The following GABRR2 variants were observed in gnomAD, a reference collection of about 807,000 sequenced individuals.
The protein encoded by GABRR2 is gamma-aminobutyric acid receptor subunit rho-2.
Under a neutral mutation model 47.0 loss-of-function variants are expected in GABRR2, and 36 were observed. The observed-to-expected ratio is 0.77, with a 90% confidence interval of 0.59 to 1.01. The LOEUF is 1.01. GABRR2 is among the 50% of genes least tolerant of loss of function. The pLI is 0.00. For missense variants in GABRR2, 587 were observed against 594.6 expected, an observed-to-expected ratio of 0.99 and a Z score of 0.13; for synonymous variants, 204 against 227.5, an observed-to-expected ratio of 0.90 and a Z score of 0.93.
In GABRR2 at chr6:89,268,099, A is replaced by G; in HGVS notation, c.513-3T>C. 1 of 1,604,682 alleles carries G rather than the reference A, an allele frequency of 6.2e-7. No homozygotes were observed. ...TGCACATGGCAGTGACCGTAATCCT[A>G]GACAACCCAGAGTCACATATTGGCT... On this transcript the variant is annotated splice_polypyrimidine_tract_variant and splice_region_variant and intron_variant, in intron 4 of 8. Coordinates refer to ENST00000402938, the MANE Select transcript of GABRR2 (RefSeq NM_002043.5).
rs767515415 is a variant in GABRR2 at position 89,299,811 on chromosome 6, C to T, written c.168G>A (p.Gln56=). ...DVTKIRKGKP[Q]QLLRVDEHDF... ...CGTGCTCGTCCACTCTGAGAAGCTG[C>T]TGAGGCTTTCCCTTCCGGATCTTGG... Residue 56 remains glutamine, a synonymous_variant, in exon 2 of 9, where the codon CAG becomes CAA. Coordinates refer to ENST00000402938, the MANE Select transcript of GABRR2 (RefSeq NM_002043.5). 1.1e-5 allele frequency: 18 copies of T among 1,614,006 alleles called. No homozygotes were observed. The South Asian group carries it at 1.9e-4, about 17-fold the overall frequency.
intron 2 of GABRR2, among the ~76,000 whole-genome samples, chr6:89,292,804 C>CATATA (rs372012468): frequency 0.057 from 936 of 16,282 alleles, 141 homozygotes; most frequent in African/African-American, 0.22. Context: ...TCGTATATAT[C>CATATA]GTATATACGA....
At position 89,257,840 on chromosome 6, in the gene GABRR2, G is replaced by A. The variant is rs1471466997; in HGVS notation, c.1228C>T (p.His410Tyr). ...EEERQDKIVVHLGLSGEANAA... is the reference protein window; with the variant it reads ...EEERQDKIVVYLGLSGEANAA... ...TTGGCTTCACCACTCAGGCCCAGGT[G>A]GACCACTATTTTGTCTTGCCTTTCT... Residue 410 changes from histidine to tyrosine, a missense_variant, in exon 9 of 9, where the codon CAC becomes TAC. Physicochemically the swap from His to Tyr is moderately conservative, Grantham distance 83. Transcript: ENST00000402938. 3.7e-6 allele frequency: 6 copies of A among 1,613,938 alleles called. No homozygotes were observed. In the African/African-American group the frequency reaches 8.0e-5, roughly 22 times the overall value.
chr6:89,303,779 G>A (rs1050279855), intron 1 of GABRR2, among the ~76,000 whole-genome samples: 1 of 151,738 alleles, frequency 6.6e-6, no homozygotes, highest in African/African-American at 2.4e-5. Context: ...CAAAGGAACA[G>A]AATAGAGAGC....
chr6:89,309,283 G>A (rs1767634620), intron 1 of GABRR2, among the ~76,000 whole-genome samples: 1 of 151,978 alleles, frequency 6.6e-6, no homozygotes, highest in Admixed American at 6.6e-5. Flanking sequence ...AGACGTGTAG[G>A]TGGTGAGGTA....
In GABRR2 at chr6:89,315,155, A is replaced by C. The variant is rs781696872; in HGVS notation, c.11T>G (p.Phe4Cys). 6.2e-7 allele frequency: 1 copy of C among 1,613,926 alleles called. No homozygotes were observed. The highest frequency in any genetic ancestry group is 1.7e-5 in the Admixed American group (1 of 60,020). Residue 4 changes from phenylalanine (F) to cysteine (C), a missense_variant, in exon 1 of 9, where the codon TTT (phenylalanine) becomes TGT (cysteine). Transcript: ENST00000402938. MPY[F>C]TRLILFLFCL... ...AAACAAGAACAAAATGAGTCTTGTA[A>C]AATAAGGCATTTTGTGGACATCTGT...
intron 2 of GABRR2, among the ~76,000 whole-genome samples, chr6:89,274,842 T>A (rs1774130303): frequency 6.6e-6 from 1 of 151,946 alleles, no homozygotes. Flanking sequence ...CACTCCAGCA[T>A]GGGCAATAGA....
chr6:89,301,967 G>A (rs1767449951), intron 1 of GABRR2: 4 of 853,938 alleles, frequency 4.7e-6, no homozygotes, highest in Non-Finnish European at 7.9e-6. Flanking sequence ...TATGTGCCTC[G>A]GGCCATTCGT....
intron 4 of GABRR2, among the ~76,000 whole-genome samples, chr6:89,268,340 G>A (rs1220359487): frequency 6.6e-6 from 1 of 152,256 alleles, no homozygotes; most frequent in Non-Finnish European, 1.5e-5. Flanking sequence ...GCCACTGGTG[G>A]TGCTGGCTGC....
At chr6:89,314,036 T>C (rs534698089) in intron 1 of GABRR2, among the ~76,000 whole-genome samples, 6 of 150,490 alleles carry the variant, frequency 4.0e-5, no homozygotes, top group East Asian at 1.9e-4. Context: ...TTTTTTTTTT[T>C]CTAAAAATAA....
At position 89,264,560 on chromosome 6, in the gene GABRR2, G is replaced by A. The variant is rs1438335483; in HGVS notation, c.938C>T (p.Ala313Val). Residue 313 changes from alanine to valine, a missense_variant, in exon 8 of 9, where the codon GCC becomes GTC. Coordinates refer to ENST00000402938, the MANE Select transcript of GABRR2 (RefSeq NM_002043.5). ...GACGTAGGAGACGCGCGGCATGGAG[G>A]CATTCACGCCCGTGATGATGGTGGT... ...TMTTIITGVN[A>V]SMPRVSYVKA... 4 of 1,614,148 alleles carry A rather than the reference G, an allele frequency of 2.5e-6. No homozygotes were observed. Among genetic ancestry groups the A allele is most frequent in the Non-Finnish European group, 3.4e-6 (4 of 1,180,030 alleles).
intron 2 of GABRR2, among the ~76,000 whole-genome samples, chr6:89,295,604 T>A (rs1774539724): frequency 6.6e-6 from 1 of 152,200 alleles, no homozygotes; most frequent in South Asian, 2.1e-4. Context: ...GGTAGTTTCT[T>A]TCGCTGTGCA....
chr6:89,273,002 G>A (rs946307101), intron 2 of GABRR2, among the ~76,000 whole-genome samples: 2 of 152,130 alleles, frequency 1.3e-5, no homozygotes, highest in Non-Finnish European at 2.9e-5. Flanking sequence ...AAATCCCACC[G>A]TTAAAGATTT....
chr6:89,306,931 G>A (rs1230169895), intron 1 of GABRR2, among the ~76,000 whole-genome samples: 1 of 152,196 alleles, frequency 6.6e-6, no homozygotes, highest in Non-Finnish European at 1.5e-5. Context: ...ATAGGCTTTT[G>A]GTTTGTGCCT....
intron 8 of GABRR2, among the ~76,000 whole-genome samples, chr6:89,262,119 C>T (rs1159893660): frequency 1.3e-5 from 2 of 151,998 alleles, no homozygotes; most frequent in African/African-American, 4.8e-5. Context: ...GCCATAACTA[C>T]AGCTTTGATT....
chr6:89,287,504 G>A (rs1284048795), intron 2 of GABRR2, among the ~76,000 whole-genome samples: 1 of 152,244 alleles, frequency 6.6e-6, no homozygotes, highest in African/African-American at 2.4e-5. Flanking sequence ...TCTTTGTCAT[G>A]TCTGCGTCTG....
intron 3 of GABRR2, among the ~76,000 whole-genome samples, chr6:89,271,281 A>C (rs1160169496): frequency 6.6e-6 from 1 of 152,180 alleles, no homozygotes; most frequent in Non-Finnish European, 1.5e-5. Context: ...CTGCACTTGC[A>C]GCAGGAACTG....
At chr6:89,310,249 G>A (rs1164115358) in intron 1 of GABRR2, among the ~76,000 whole-genome samples, 1 of 152,002 alleles carries the variant, frequency 6.6e-6, no homozygotes, top group Non-Finnish European at 1.5e-5. Context: ...TGCTGGCACC[G>A]CCTCACTCCA....
At chr6:89,300,707 G>A (rs891771795) in intron 1 of GABRR2, among the ~76,000 whole-genome samples, 2 of 115,322 alleles carry the variant, frequency 1.7e-5, no homozygotes, top group African/African-American at 3.3e-5. Context: ...AATGAGCTCC[G>A]AAGTTGAAGT....
Sources: allele counts gnomAD v4.1 joint callset (sites outside exome capture counted in the v4.1 genomes callset), GRCh38; gene constraint gnomAD v4.1.1; transcripts MANE v1.5; gene names NCBI Gene and HGNC (gene_info 2026-07-23, HGNC 2026-07-21).